Variants in ERCC6L2 observed in about 807,000 individuals in gnomAD.
ERCC6L2 encodes the protein ERCC excision repair 6 like 2.
In ERCC6L2, 77 loss-of-function variants were observed where a neutral mutation model predicts 132.0. The observed-to-expected ratio is 0.58, with a 90% CI of 0.49 to 0.71. The LOEUF (loss-of-function observed/expected upper bound fraction) is 0.71. Ranked by LOEUF, ERCC6L2 falls within the 30% of genes least tolerant of loss-of-function variation. ERCC6L2 has a pLI of 0.00. For missense variants in ERCC6L2, 1,542 were observed against 1,837.6 expected, an observed-to-expected ratio of 0.84 and a Z score of 2.94; for synonymous variants, 583 against 632.4, an observed-to-expected ratio of 0.92 and a Z score of 1.17.
intron 19 of ERCC6L2, among the ~76,000 whole-genome samples, chr9:96,029,312 AAAAAAAAAAAAC>A (rs1834424013): frequency 6.6e-6 from 1 of 150,840 alleles, no homozygotes; most frequent in Non-Finnish European, 1.5e-5. Flanking sequence ...TCAAAAAAAA[AAAAAAAAAAAAC>A]AAAAAAAAAA....
At chr9:95,916,063 C>T (rs1587898586) in intron 5 of ERCC6L2, among the ~76,000 whole-genome samples, 164 bp from the exon 6 acceptor site, 1 of 152,288 alleles carries the variant, frequency 6.6e-6, no homozygotes, top group East Asian at 1.9e-4. Flanking sequence ...ATCCTCATAT[C>T]ATAGTTAGAA....
chr9:95,906,967 C>T, intron 3 of ERCC6L2, 111 bp from the exon 4 acceptor site: 1 of 700,592 alleles, frequency 1.4e-6, no homozygotes, highest in Non-Finnish European at 2.4e-6. Context: ...TTGTTACTAA[C>T]TAGATGTCAA....
Position 96,012,873 on chromosome 9 carries a change from T to A in ERCC6L2, c.4323T>A (p.Asp1441Glu). The A allele has an allele frequency of 7.3e-7, 1 of 1,367,656 alleles. No individual in the cohort carries two copies. Among genetic ancestry groups the A allele is most frequent in the Non-Finnish European group, 9.8e-7 (1 of 1,021,852 alleles). The allele number at this position is 1,367,656 out of a possible 1,614,324, so 84.7% of individuals were successfully genotyped here. A position where few individuals can be genotyped will look rare whatever the true frequency, so the allele number is the denominator to read the frequency against. Residue 1441 changes from aspartate to glutamate, a missense_variant, in exon 19 of 19, where the codon GAT becomes GAA. Physicochemically the swap from Asp to Glu is conservative, Grantham distance 45 (BLOSUM62 2). Around this residue, in one of 4 missense-constraint regions of ERCC6L2, gnomAD observed 442 missense variants for 583.4 expected, o/e 0.76. Coordinates refer to ENST00000653738, the MANE Select transcript of ERCC6L2 (RefSeq NM_020207.7). ...ENTSVISLLG[D>E]TSILDDLFKS... ...CTTCTGTGATAAGCTTACTTGGTGA[T>A]ACCTCTATTCTTGATGACCTTTTTA...
intron 4 of ERCC6L2, among the ~76,000 whole-genome samples, chr9:95,909,282 A>C (rs1048153198): frequency 2.0e-5 from 3 of 152,172 alleles, no homozygotes; most frequent in African/African-American, 7.2e-5. Context: ...ACCCTTTAAA[A>C]TGTAAAAACT....
intron 11 of ERCC6L2, among the ~76,000 whole-genome samples, chr9:95,931,231 A>G (rs377113890): frequency 6.6e-6 from 1 of 151,976 alleles, no homozygotes; most frequent in African/African-American, 2.4e-5. Context: ...TCCCCCTCTC[A>G]GTCTGTTTCT....
At chr9:95,976,372 C>G (rs1041616970) in intron 16 of ERCC6L2, among the ~76,000 whole-genome samples, 3 of 152,126 alleles carry the variant, frequency 2.0e-5, no homozygotes, top group Non-Finnish European at 4.4e-5. Flanking sequence ...TTGGCCTGCT[C>G]CAGCCCCTCC....
intron 16 of ERCC6L2, among the ~76,000 whole-genome samples, chr9:95,973,638 A>G (rs1467705734): frequency 1.3e-5 from 2 of 152,070 alleles, no homozygotes; most frequent in Admixed American, 6.6e-5. Flanking sequence ...CTTATTCGCT[A>G]TCATGAGAAC....
intron 13 of ERCC6L2, among the ~76,000 whole-genome samples, chr9:95,966,309 A>T (rs976954946): frequency 6.6e-6 from 1 of 152,192 alleles, no homozygotes. Flanking sequence ...TTCTATAGAG[A>T]TGTAATCTTG....
chr9:96,030,796 A>G (rs993187251), intron 19 of ERCC6L2, among the ~76,000 whole-genome samples: 1 of 151,964 alleles, frequency 6.6e-6, no homozygotes, highest in African/African-American at 2.4e-5. Flanking sequence ...CTCCGGACAA[A>G]CCAGGACAAC....
At chr9:95,883,894 C>G (rs961904846) in intron 2 of ERCC6L2, among the ~76,000 whole-genome samples, 1 of 152,142 alleles carries the variant, frequency 6.6e-6, no homozygotes, top group African/African-American at 2.4e-5. Context: ...GTACTACATA[C>G]AAAAAGTGAT....
At chr9:95,910,717 A>G (rs1439947093) in intron 4 of ERCC6L2, among the ~76,000 whole-genome samples, 1 of 152,142 alleles carries the variant, frequency 6.6e-6, no homozygotes, top group Non-Finnish European at 1.5e-5. Context: ...TGGAGCTACC[A>G]CTTTTGTCAG....
At chr9:95,878,103 G>C (rs921790214) in intron 1 of ERCC6L2, among the ~76,000 whole-genome samples, 1 of 152,194 alleles carries the variant, frequency 6.6e-6, no homozygotes, top group South Asian at 2.1e-4. Context: ...AAAGTTGATG[G>C]TGGCATGCTT....
At chr9:95,935,886 C>T (rs910127264) in intron 11 of ERCC6L2, among the ~76,000 whole-genome samples, 43 of 152,054 alleles carry the variant, frequency 2.8e-4, no homozygotes, top group Non-Finnish European at 5.0e-4. Flanking sequence ...ATTAAGTTAA[C>T]GATTTGGGGT....
At chr9:95,980,437 A>G (rs141245441) in intron 17 of ERCC6L2, among the ~76,000 whole-genome samples, 1 of 152,202 alleles carries the variant, frequency 6.6e-6, no homozygotes, top group African/African-American at 2.4e-5. Flanking sequence ...CCATGGCACC[A>G]TTGCTAGCAG....
At chr9:95,990,561 C>T (rs1023067928) in intron 17 of ERCC6L2, among the ~76,000 whole-genome samples, 5 of 152,190 alleles carry the variant, frequency 3.3e-5, no homozygotes, top group Non-Finnish European at 4.4e-5. Context: ...TGACCCCCTT[C>T]GCGGGCAGGA....
Position 95,876,021 on chromosome 9 carries a change from G to GC in ERCC6L2, c.-14dup. On this transcript the variant is annotated 5_prime_UTR_variant, in exon 1 of 19. Coordinates refer to ENST00000653738, the MANE Select transcript of ERCC6L2 (RefSeq NM_020207.7). ...CGGGTGTTACATGCAGCCGGGCTCG[G>GC]CCCCTCCCCCTGGCCGGATGGATCC... 1 of 1,583,256 alleles carries GC rather than the reference G, an allele frequency of 6.3e-7. No individual in the cohort carries two copies. Among genetic ancestry groups the GC allele is most frequent in the Non-Finnish European group, 8.6e-7 (1 of 1,165,612 alleles).
At chr9:95,953,566 C>A in intron 12 of ERCC6L2, among the ~76,000 whole-genome samples, 1 of 139,472 alleles carries the variant, frequency 7.2e-6, no homozygotes, top group Admixed American at 7.3e-5. Context: ...CAGAGTGAGA[C>A]TCTGTCTCAA....
chr9:96,015,518 G>C lies in ERCC6L2; in HGVS notation c.*2315G>C, dbSNP rs1037265038. Among the ~76,000 whole-genome samples, 1 of 151,558 alleles carries C rather than the reference G, an allele frequency of 6.6e-6. No individual in the cohort carries two copies. The highest frequency in any genetic ancestry group is 2.4e-5 in the African/African-American group (1 of 41,336). On this transcript the variant is annotated 3_prime_UTR_variant, in exon 19 of 19. Transcript: ENST00000653738. ...ATGCTATTAAAGAAACTTTTAGGCC[G>C]GGCACAGTGGCTCACGCCTGTAATC... is the stretch of plus-strand genomic sequence containing the variant.
At chr9:95,962,766 G>A (rs1319498584) in intron 13 of ERCC6L2, among the ~76,000 whole-genome samples, 2 of 152,112 alleles carry the variant, frequency 1.3e-5, no homozygotes, top group African/African-American at 4.8e-5. Context: ...TACTTACGAT[G>A]GGGCCACATC....
Sources: allele counts gnomAD v4.1 joint callset (sites outside exome capture counted in the v4.1 genomes callset), GRCh38; gene constraint gnomAD v4.1.1; regional missense constraint gnomAD v4.1.1; transcripts MANE v1.5; gene names NCBI Gene and HGNC (gene_info 2026-07-23, HGNC 2026-07-21).